ZFHX3: variants seen among roughly 807,000 people sequenced by gnomAD.
ZFHX3 encodes zinc finger homeobox protein 3.
Under a neutral mutation model 279.1 loss-of-function variants are expected in ZFHX3, and 42 were observed. The ratio of observed to expected loss-of-function variants is 0.15; its 90% CI spans 0.12 to 0.19. The LOEUF (loss-of-function observed/expected upper bound fraction) is 0.19, where lower values mean the gene tolerates loss of function less well. Ranked by LOEUF, ZFHX3 falls within the 10% of genes least tolerant of loss-of-function variation. The pLI is 1.00. For synonymous variants in ZFHX3, 2,293 were observed against 1,957.8 expected, an observed-to-expected ratio of 1.17 and a Z score of -4.52; for missense variants, 4,981 against 4,754.0, an observed-to-expected ratio of 1.05 and a Z score of -1.40.
At chr16:73,156,397 A>G (rs1273465354) in intron 5 of ZFHX3, among the ~76,000 whole-genome samples, 1 of 152,170 alleles carries the variant, frequency 6.6e-6, no homozygotes, top group Admixed American at 6.5e-5. Flanking sequence ...GATGATCATT[A>G]CAGACAATGG....
intron 2 of ZFHX3, among the ~76,000 whole-genome samples, chr16:73,670,081 G>A (rs750337644): frequency 1.4e-4 from 21 of 152,182 alleles, no homozygotes; most frequent in Non-Finnish European, 2.8e-4. Context: ...TCATGCTTCA[G>A]GGCATAAATT....
chr16:72,949,909 TTC>T (rs1201750845), intron 3 of ZFHX3, among the ~76,000 whole-genome samples: 25 of 131,300 alleles, frequency 1.9e-4, no homozygotes, highest in African/African-American at 5.9e-4. Flanking sequence ...GGATTTTCTT[TTC>T]TTTTTTTTTT....
At chr16:73,018,988 G>A (rs796448810) in intron 1 of ZFHX3, among the ~76,000 whole-genome samples, 25 of 152,242 alleles carry the variant, frequency 1.6e-4, no homozygotes, top group Admixed American at 7.9e-4. Flanking sequence ...CCAGAGCTCC[G>A]CTGTATCACA....
intron 2 of ZFHX3, among the ~76,000 whole-genome samples, chr16:73,658,808 A>G (rs545528698): frequency 1.7e-4 from 26 of 152,344 alleles, no homozygotes; most frequent in African/African-American, 6.0e-4. Context: ...CTGTAAAACT[A>G]CATCTTTGTT....
intron 4 of ZFHX3, among the ~76,000 whole-genome samples, chr16:73,260,690 T>TTG (rs1555506765): frequency 2.1e-4 from 27 of 129,568 alleles, no homozygotes; most frequent in African/African-American, 3.9e-4. Context: ...GTTTTTTTTT[T>TTG]TTTTTTTTTT....
At chr16:73,426,994 T>C (rs1310527213) in intron 3 of ZFHX3, among the ~76,000 whole-genome samples, 1 of 152,162 alleles carries the variant, frequency 6.6e-6, no homozygotes, top group East Asian at 1.9e-4. Context: ...CTGCACTTGC[T>C]ACCCTGACGA....
At chr16:73,834,317 C>T (rs972717537) in intron 1 of ZFHX3, among the ~76,000 whole-genome samples, 1 of 152,160 alleles carries the variant, frequency 6.6e-6, no homozygotes, top group African/African-American at 2.4e-5. Context: ...GATGAAGGAT[C>T]ATTTCTTTAC....
intron 2 of ZFHX3, among the ~76,000 whole-genome samples, chr16:73,471,399 C>A (rs1017855927): frequency 1.3e-5 from 2 of 152,008 alleles, no homozygotes; most frequent in African/African-American, 4.8e-5. Flanking sequence ...GTTTGTGAAT[C>A]TCTTTCTTTT....
At chr16:73,131,367 A>G (rs924157906) in intron 6 of ZFHX3, among the ~76,000 whole-genome samples, 7 of 152,198 alleles carry the variant, frequency 4.6e-5, no homozygotes, top group Non-Finnish European at 7.3e-5. Context: ...ATTCAACCCT[A>G]TGGAAGTAGG....
chr16:73,474,232 C>T (rs1016931336), intron 2 of ZFHX3, among the ~76,000 whole-genome samples: 3 of 152,138 alleles, frequency 2.0e-5, no homozygotes, highest in African/African-American at 7.2e-5. Context: ...ACTGCAACCT[C>T]CACCTCCCAG....
At chr16:73,338,312 T>G (rs1401364176) in intron 3 of ZFHX3, among the ~76,000 whole-genome samples, 1 of 152,178 alleles carries the variant, frequency 6.6e-6, no homozygotes, top group Admixed American at 6.6e-5. Flanking sequence ...ACTGACAGTT[T>G]TATCCCTTTG....
At chr16:72,815,022 C>T (rs953841597) in intron 5 of ZFHX3, among the ~76,000 whole-genome samples, 1 of 152,180 alleles carries the variant, frequency 6.6e-6, no homozygotes, top group East Asian at 1.9e-4. Context: ...ACACATGCCC[C>T]TCCCTTGCTT....
chr16:73,188,051 C>T (rs373919176), intron 5 of ZFHX3, among the ~76,000 whole-genome samples: 22 of 152,130 alleles, frequency 1.4e-4, no homozygotes, highest in African/African-American at 3.9e-4. Context: ...TTAGTGGAGA[C>T]GGGGTTTCAC....
intron 2 of ZFHX3, chr16:73,554,348 TA>T (rs1394579921): frequency 6.6e-6 from 1 of 152,206 alleles, no homozygotes; most frequent in Non-Finnish European, 1.5e-5. Context: ...TCTGGATGGT[TA>T]AGAAAAAGCC....
rs774005429 is a variant in ZFHX3, at chr16:73,433,456, C to T, written c.-1291+22547G>A. Among the ~76,000 whole-genome samples the T allele has an allele frequency of 2.6e-5, 4 of 152,140 alleles. No homozygotes were observed. The East Asian group carries it at 5.8e-4, about 22-fold the overall frequency. On this transcript the variant is annotated intron_variant, in intron 3 of 17. Coordinates refer to the ZFHX3 transcript ENST00000641206. Reference sequence around the variant, plus strand: ...CAGCACCCCCTCCTCAGCAAGGCGCCCAATGAGGCAGACCAGATGACATTT... The same window carrying T: ...CAGCACCCCCTCCTCAGCAAGGCGCTCAATGAGGCAGACCAGATGACATTT...
chr16:72,805,442 A>G (rs2036234982), intron 7 of ZFHX3, among the ~76,000 whole-genome samples: 1 of 152,196 alleles, frequency 6.6e-6, no homozygotes, highest in South Asian at 2.1e-4. Context: ...GGATGCCTCA[A>G]ATCCTTTACT....
chr16:73,622,422 C>A (rs2052372080), intron 2 of ZFHX3, among the ~76,000 whole-genome samples: 1 of 152,054 alleles, frequency 6.6e-6, no homozygotes, highest in Non-Finnish European at 1.5e-5. Context: ...ATTAGCCAGG[C>A]GTGGTGGCGG....
intron 1 of ZFHX3, among the ~76,000 whole-genome samples, chr16:72,976,214 C>T (rs1007520656): frequency 6.6e-6 from 1 of 152,214 alleles, no homozygotes; most frequent in Non-Finnish European, 1.5e-5. Context: ...GCTCATTCCA[C>T]CAAAACTTCC....
rs889585 is a variant in ZFHX3, at chr16:73,474,143, T to G, written c.-1546-17885A>C. On this transcript the variant is annotated intron_variant, in intron 2 of 17. Coordinates refer to the ZFHX3 transcript ENST00000641206. Reference sequence around the variant, plus strand: ...TTCTCGCTCTTTTTTATTTATTTATTTATTTATTTATTGAGACAGAGTCTC... The same window carrying G: ...TTCTCGCTCTTTTTTATTTATTTATGTATTTATTTATTGAGACAGAGTCTC... 5.0e-3 allele frequency among the ~76,000 whole-genome samples: 757 copies of G among 152,002 alleles called. 5 individuals carry two copies. The highest frequency in any genetic ancestry group is 0.017 in the African/African-American group (711 of 41,432).
Sources: gnomAD v4.1 joint callset for allele counts (sites outside exome capture counted in the v4.1 genomes callset) on GRCh38, gnomAD v4.1.1 for gene constraint, MANE v1.5 for transcripts, NCBI Gene and HGNC (gene_info 2026-07-23, HGNC 2026-07-21) for gene names.